Variants in POLR3E observed in about 807,000 individuals in gnomAD.
POLR3E encodes RNA polymerase III subunit E.
POLR3E carries 41 observed loss-of-function variants against 96.6 expected under a neutral mutation model. The ratio of observed to expected loss-of-function variants is 0.42; its 90% CI spans 0.33 to 0.55. The LOEUF is 0.55. Among genes scored for constraint, POLR3E ranks in the 20% least tolerant of loss-of-function variants. POLR3E has a pLI of 0.06. For synonymous variants in POLR3E, 396 were observed against 383.6 expected (o/e 1.03, Z -0.38); for missense variants, 849 against 952.1 (o/e 0.89, Z 1.43).
At chr16:22,308,547 C>T (rs1422316039) in intron 4 of POLR3E, 2 of 448,138 alleles carry the variant, frequency 4.5e-6, no homozygotes, top group Non-Finnish European at 8.1e-6. Flanking sequence ...GGAGGGTCTG[C>T]AGCTCTAGCC....
In POLR3E at chr16:22,305,691, C is replaced by T. The variant is rs548223570; in HGVS notation, c.87+485C>T. On this transcript the variant is annotated intron_variant, in intron 3 of 20. Coordinates refer to ENST00000299853, the MANE Select transcript of POLR3E (RefSeq NM_018119.4). ...GCTCCAAGGGGCAGCTCCATGGCAG[C>T]GTCTGTGAGCCCTCAGTCCTGCCAG... Among the ~76,000 whole-genome samples the T allele has an allele frequency of 7.2e-5, 11 of 152,230 alleles. No individual in the cohort carries two copies. In the South Asian group the frequency reaches 1.7e-3, roughly 23 times the overall value.
intron 9 of POLR3E, 76 bp from the exon 10 acceptor site, chr16:22,316,525 G>T: frequency 9.0e-7 from 1 of 1,110,638 alleles, no homozygotes; most frequent in Non-Finnish European, 1.4e-6. Flanking sequence ...AGTGGAAGAC[G>T]GGAGGCCTTG....
Position 22,326,054 on chromosome 16 carries a change from C to T in POLR3E, c.1642C>T (p.His548Tyr). The T allele has an allele frequency of 6.2e-7, 1 of 1,607,012 alleles. No individual in the cohort carries two copies. Among genetic ancestry groups the T allele is most frequent in the Non-Finnish European group, 8.5e-7 (1 of 1,175,616 alleles). Reference sequence around the variant, plus strand: ...TGCGGGCACAGACAGCTTCAACGGGCACCCGCCCCAGGGCTGCGCCAGCAC... The same window carrying T: ...TGCGGGCACAGACAGCTTCAACGGGTACCCGCCCCAGGGCTGCGCCAGCAC... ...RAAGTDSFNGHPPQGCASTPV... is the reference protein window; with the variant it reads ...RAAGTDSFNGYPPQGCASTPV... Residue 548 changes from histidine (H) to tyrosine (Y), a missense_variant, in exon 18 of 21, where the codon CAC becomes TAC. Coordinates refer to ENST00000299853, the MANE Select transcript of POLR3E (RefSeq NM_018119.4).
In POLR3E at chr16:22,318,236, G is replaced by A. The variant is rs563116453; in HGVS notation, c.866-590G>A. Among the ~76,000 whole-genome samples, 2 of 152,296 alleles carry A rather than the reference G, an allele frequency of 1.3e-5. No individual in the cohort carries two copies. The highest frequency in any genetic ancestry group is 4.1e-4 in the South Asian group (2 of 4,824). The stretch of plus-strand genomic sequence containing the variant: ...AGCCTCTGGAGTAGCTGGGACTACA[G>A]GTGCCCGCCATCACGCCCAGCTAAT... On this transcript the variant is annotated intron_variant, in intron 12 of 20. Coordinates refer to ENST00000299853, the MANE Select transcript of POLR3E (RefSeq NM_018119.4). The surrounding 1 kb of genome is among the most constrained non-coding windows in gnomAD (Gnocchi z 5.0).
intron 19 of POLR3E, among the ~76,000 whole-genome samples, chr16:22,330,798 G>GT (rs778982337): frequency 2.6e-5 from 4 of 151,806 alleles, no homozygotes; most frequent in Admixed American, 6.6e-5. Context: ...GCAGTCAGCT[G>GT]TTTACATGAA....
intron 19 of POLR3E, chr16:22,331,336 T>A (rs2048736238): frequency 6.6e-6 from 1 of 152,170 alleles, no homozygotes; most frequent in Non-Finnish European, 1.5e-5. Context: ...TGAAATTCCA[T>A]AACATTCTCC....
chr16:22,326,336 G>A (rs1184879880), intron 18 of POLR3E, 58 bp downstream of exon 18: 1 of 1,248,030 alleles, frequency 8.0e-7, no homozygotes, highest in Non-Finnish European at 1.1e-6. Flanking sequence ...AGAACCAGCT[G>A]TTGGGAGGCC....
At chr16:22,328,183 G>A (rs1423185033) in intron 18 of POLR3E, 2 of 260,806 alleles carry the variant, frequency 7.7e-6, no homozygotes, top group Non-Finnish European at 7.4e-6. Context: ...TTGAGTTGGT[G>A]CCAGGCTGAT....
chr16:22,330,826 G>A (rs1411619534), intron 19 of POLR3E, among the ~76,000 whole-genome samples: 1 of 151,982 alleles, frequency 6.6e-6, no homozygotes, highest in Non-Finnish European at 1.5e-5. Context: ...AAAAAAAAAG[G>A]AGAATCAAAT....
intron 20 of POLR3E, among the ~76,000 whole-genome samples, chr16:22,332,430 C>T (rs1373150899): frequency 6.6e-6 from 1 of 152,182 alleles, no homozygotes; most frequent in Admixed American, 6.5e-5. Flanking sequence ...GGAAAGAATA[C>T]AGCCATGGAT....
At chr16:22,306,876 C>T (rs924578529) in intron 3 of POLR3E, among the ~76,000 whole-genome samples, 1 of 152,186 alleles carries the variant, frequency 6.6e-6, no homozygotes, top group African/African-American at 2.4e-5. Flanking sequence ...ACAGGGAGGC[C>T]TTCACGGGCA....
chr16:22,329,039 TTGCACCAC>T (rs2048675926), intron 19 of POLR3E: 1 of 192,104 alleles, frequency 5.2e-6, no homozygotes, highest in African/African-American at 2.4e-5. Flanking sequence ...TGAACCGAGA[TTGCACCAC>T]TGCACTCCAG....
At chr16:22,319,647 C>T (rs1202573509) in intron 13 of POLR3E, among the ~76,000 whole-genome samples, 1 of 152,168 alleles carries the variant, frequency 6.6e-6, no homozygotes, top group Non-Finnish European at 1.5e-5. Context: ...GATCTGCCCG[C>T]CTCGGCTTCC....
rs56100056 is a variant in POLR3E at position 22,330,988 on chromosome 16, CTTTTTTTTT to C, written c.1945-1046_1945-1038del. Among the ~76,000 whole-genome samples, 22 of 50,750 alleles carry C rather than the reference CTTTTTTTTT, an allele frequency of 4.3e-4. No individual in the cohort carries two copies. The South Asian group carries it at 0.016, about 38-fold the overall frequency. 33.3% of individuals were successfully genotyped at this position (50,750 alleles called of 152,430 possible). A position where few individuals can be genotyped will look rare whatever the true frequency, so the allele number is the denominator to read the frequency against. ...GACAAATAGTGATACATGAAGCATC[CTTTTTTTTT>C]TTTTTTTTTTTTTTTTTTTTTTTTT... On this transcript the variant is annotated intron_variant, in intron 19 of 20. Coordinates refer to ENST00000299853, the MANE Select transcript of POLR3E (RefSeq NM_018119.4).
chr16:22,331,359 T>TA (rs1453291076), intron 19 of POLR3E: 1 of 152,220 alleles, frequency 6.6e-6, no homozygotes, highest in Non-Finnish European at 1.5e-5. Context: ...CTTGGTCTTT[T>TA]AAATTTGGCC....
intron 2 of POLR3E, among the ~76,000 whole-genome samples, chr16:22,304,596 C>T (rs1374785448): frequency 2.0e-5 from 3 of 152,018 alleles, no homozygotes; most frequent in Non-Finnish European, 4.4e-5. Context: ...TGTGCAAAGG[C>T]CCAGGGGTAG....
Position 22,318,913 on chromosome 16 carries a change from C to T in POLR3E, c.953C>T (p.Ala318Val). The T allele has an allele frequency of 1.2e-6, 2 of 1,613,414 alleles. No homozygotes were observed. Among genetic ancestry groups the T allele is most frequent in the Non-Finnish European group, 1.7e-6 (2 of 1,179,626 alleles). The change falls in exon 13 of 21, where the codon GCG becomes GTG. Residue 318 changes from alanine to valine, a missense_variant. Transcript: ENST00000299853. This position sits in a 1 kb window ranked among gnomAD's most constrained non-coding sequence, Gnocchi z 5.0. ...GTTCTGCGGGGCATCCAGAAGGTGG[C>T]GATGTTGGTCCAAGGGAACTGGGTG... ...VAVLRGIQKV[A>V]MLVQGNWVVK...
Position 22,313,510 on chromosome 16 carries a change from A to T in POLR3E, c.365-110A>T, listed in dbSNP as rs2048290333. 1.5e-6 allele frequency: 1 copy of T among 677,488 alleles called. No homozygotes were observed. Among genetic ancestry groups the T allele is most frequent in the Non-Finnish European group, 2.7e-6 (1 of 373,416 alleles). 42.0% of individuals were successfully genotyped at this position (677,488 alleles called of 1,614,324 possible). A position where few individuals can be genotyped will look rare whatever the true frequency, so the allele number is the denominator to read the frequency against. On this transcript the variant is annotated intron_variant, in intron 6 of 20. Coordinates refer to ENST00000299853, the MANE Select transcript of POLR3E (RefSeq NM_018119.4). This position sits in a 1 kb window ranked among gnomAD's most constrained non-coding sequence, Gnocchi z 4.1. Reference sequence around the variant, plus strand: ...TCTAGGATTGGGGGCTGCAGCGGGAATGGGAGGCGGTTTGATGGTGGGCCT... The same window carrying T: ...TCTAGGATTGGGGGCTGCAGCGGGATTGGGAGGCGGTTTGATGGTGGGCCT...
At chr16:22,306,711 G>T (rs80229934) in intron 3 of POLR3E, among the ~76,000 whole-genome samples, 26 of 152,346 alleles carry the variant, frequency 1.7e-4, no homozygotes, top group Non-Finnish European at 2.9e-4. Context: ...TATGATGAAC[G>T]TGAATTCTCA....
Sources: allele counts gnomAD v4.1 joint callset (sites outside exome capture counted in the v4.1 genomes callset), GRCh38; gene constraint gnomAD v4.1.1; non-coding constraint Gnocchi (gnomAD v3.1); transcripts MANE v1.5; gene names NCBI Gene and HGNC (gene_info 2026-07-23, HGNC 2026-07-21).